Variants in THADA observed in about 807,000 individuals in gnomAD.
THADA encodes THADA armadillo repeat containing.
In THADA, 213 loss-of-function variants were observed where a neutral mutation model predicts 219.8. The ratio of observed to expected loss-of-function variants is 0.97; its 90% CI spans 0.87 to 1.09. THADA has a LOEUF of 1.09. Among genes scored for constraint, THADA ranks in the 50% least tolerant of loss-of-function variants. The probability of loss-of-function intolerance (pLI) is 0.00; values close to 1 mark genes in which losing one functional copy is unlikely to be tolerated. For missense variants in THADA, 2,956 were observed against 2,311.3 expected, an observed-to-expected ratio of 1.28 and a Z score of -5.72; for synonymous variants, 1,018 against 828.9, an observed-to-expected ratio of 1.23 and a Z score of -3.92.
chr2:43,330,330 G>C lies in THADA; in HGVS notation c.4344-9790C>G, dbSNP rs72877386. ...CACCCAGGCCAGTCTAATTGCTGAG[G>C]AAGCCTGATCATCACTGGCAGCTGA... is the stretch of plus-strand genomic sequence containing the variant. On this transcript the variant is annotated intron_variant, in intron 30 of 37. Transcript: ENST00000405975. Among the ~76,000 whole-genome samples, 943 of 152,300 alleles carry C rather than the reference G, an allele frequency of 6.2e-3. 15 individuals are homozygous for C. Among genetic ancestry groups the C allele is most frequent in the African/African-American group, 0.022 (895 of 41,562 alleles).
Position 43,320,519 on chromosome 2 carries a change from G to A in THADA, c.4365C>T (p.Thr1455=). ...AGAGAATATCAATATATACAGCTCT[G>A]GTCACCAAACATGGATTTTGCCTAG... ...LAKRQNPCLV[T]RAVYIDILFL... Residue 1455 remains threonine, a synonymous_variant, in exon 31 of 38, where the codon ACC becomes ACT. Coordinates refer to ENST00000405975, the MANE Select transcript of THADA (RefSeq NM_022065.5). 4 of 1,611,682 alleles carry A rather than the reference G, an allele frequency of 2.5e-6. No homozygotes were observed. Among genetic ancestry groups the A allele is most frequent in the Non-Finnish European group, 3.4e-6 (4 of 1,178,992 alleles).
intron 21 of THADA, among the ~76,000 whole-genome samples, chr2:43,535,825 T>G (rs1426751056): frequency 6.6e-6 from 1 of 152,048 alleles, no homozygotes; most frequent in Non-Finnish European, 1.5e-5. Flanking sequence ...CTGTTTTTTG[T>G]TTTTGTTTGT....
At chr2:43,458,238 C>T (rs1386957977) in intron 26 of THADA, among the ~76,000 whole-genome samples, 1 of 152,110 alleles carries the variant, frequency 6.6e-6, no homozygotes, top group Non-Finnish European at 1.5e-5. Context: ...CAGTCTGCGT[C>T]GTATGTTTTG....
intron 29 of THADA, among the ~76,000 whole-genome samples, chr2:43,377,344 A>G (rs773701194): frequency 2.0e-5 from 3 of 152,140 alleles, no homozygotes; most frequent in African/African-American, 4.8e-5. Context: ...TCAATGCTTG[A>G]CTGAGGTGAC....
At chr2:43,425,142 C>T in intron 28 of THADA, among the ~76,000 whole-genome samples, 1 of 152,148 alleles carries the variant, frequency 6.6e-6, no homozygotes, top group Non-Finnish European at 1.5e-5. Flanking sequence ...TTGACAAGCC[C>T]TGCACTCTTG....
intron 36 of THADA, among the ~76,000 whole-genome samples, chr2:43,255,034 C>T (rs993657911): frequency 6.6e-6 from 1 of 152,152 alleles, no homozygotes; most frequent in African/African-American, 2.4e-5. Flanking sequence ...CAGCTGGAAA[C>T]TAAAGAGTGT....
intron 29 of THADA, among the ~76,000 whole-genome samples, chr2:43,382,332 C>T (rs1403015224): frequency 6.6e-6 from 1 of 152,124 alleles, no homozygotes; most frequent in Admixed American, 6.5e-5. Context: ...GAGGGGTGTA[C>T]AGAAACTTTC....
intron 36 of THADA, among the ~76,000 whole-genome samples, chr2:43,265,691 A>T (rs889833851): frequency 1.3e-5 from 2 of 152,182 alleles, no homozygotes; most frequent in Non-Finnish European, 2.9e-5. Context: ...ACTTCTTCAA[A>T]CACGCCCAGG....
At chr2:43,285,778 C>T (rs1367704160) in intron 35 of THADA, among the ~76,000 whole-genome samples, 5 of 151,946 alleles carry the variant, frequency 3.3e-5, no homozygotes, top group African/African-American at 7.2e-5. Flanking sequence ...CTCGAACTCC[C>T]GACCTTAGGT....
In THADA at chr2:43,566,387, G is replaced by C. The variant is rs189965823; in HGVS notation, c.2311+311C>G. 533 of 661,910 alleles carry C rather than the reference G, an allele frequency of 8.1e-4. 1 individual carries two copies. Among genetic ancestry groups the C allele is most frequent in the African/African-American group, 8.0e-3 (436 of 54,528 alleles). 41.0% of individuals were successfully genotyped at this position (661,910 alleles called of 1,614,324 possible). A position where few individuals can be genotyped will look rare whatever the true frequency, so the allele number is the denominator to read the frequency against. On this transcript the variant is annotated intron_variant, in intron 15 of 37. Coordinates refer to ENST00000405975, the MANE Select transcript of THADA (RefSeq NM_022065.5). The stretch of plus-strand genomic sequence containing the variant: ...TTCAAATTTTAAAACTTAAAGAACA[G>C]ATTGGATACTATCTTAAAACAGCAA...
chr2:43,572,805 T>C lies in THADA; in HGVS notation c.1908+9A>G. The stretch of plus-strand genomic sequence containing the variant: ...GCATGTACAAATCCAGGTAATTTTC[T>C]TTACTTACTTGGCAATGCTGATGAA... On this transcript the variant is annotated intron_variant, in intron 12 of 37. Transcript: ENST00000405975. 3.1e-6 allele frequency: 5 copies of C among 1,612,474 alleles called. No individual in the cohort carries two copies. Among genetic ancestry groups the C allele is most frequent in the Non-Finnish European group, 4.2e-6 (5 of 1,179,168 alleles).
In THADA at chr2:43,581,845, T is replaced by A; in HGVS notation, c.617A>T (p.Gln206Leu). The change falls in exon 8 of 38, where the codon CAG becomes CTG. Residue 206 changes from glutamine (Q) to leucine (L), a missense_variant. By Grantham distance (113) the Gln-to-Leu change is moderately radical. Coordinates refer to ENST00000405975, the MANE Select transcript of THADA (RefSeq NM_022065.5). ...ATTTCCCTGGAAATCTTGTACTTTC[T>A]GTACTAACATCATTGAAACTCTAAT... is the stretch of plus-strand genomic sequence containing the variant. Reference protein sequence around the residue: ...VGIRVSMMLVQKVQDFQGNLW... With the variant: ...VGIRVSMMLVLKVQDFQGNLW... The A allele has an allele frequency of 6.2e-7, 1 of 1,612,634 alleles. No individual in the cohort carries two copies. The highest frequency in any genetic ancestry group is 8.5e-7 in the Non-Finnish European group (1 of 1,179,566).
chr2:43,284,920 T>A (rs1174221927), intron 35 of THADA, among the ~76,000 whole-genome samples: 1 of 152,226 alleles, frequency 6.6e-6, no homozygotes, highest in Non-Finnish European at 1.5e-5. Context: ...AGCTTTAAGA[T>A]TTAATGACTG....
chr2:43,303,370 G>A (rs62137411), intron 31 of THADA, among the ~76,000 whole-genome samples: 2 of 152,162 alleles, frequency 1.3e-5, no homozygotes, highest in Admixed American at 1.3e-4. Context: ...AAGGGAGAGT[G>A]CTAATTTTGA....
chr2:43,543,653 T>C (rs1009918391), intron 20 of THADA, among the ~76,000 whole-genome samples: 4 of 152,232 alleles, frequency 2.6e-5, no homozygotes, highest in African/African-American at 9.6e-5. Context: ...TCATGTGTTT[T>C]CTGGCTGCAT....
At chr2:43,281,578 A>T (rs1673368966) in intron 35 of THADA, among the ~76,000 whole-genome samples, 1 of 150,774 alleles carries the variant, frequency 6.6e-6, no homozygotes, top group South Asian at 2.1e-4. Flanking sequence ...GGTAGCTGGG[A>T]TTATAGGTAT....
chr2:43,442,052 G>A (rs145744654), intron 26 of THADA, among the ~76,000 whole-genome samples: 2 of 152,278 alleles, frequency 1.3e-5, no homozygotes, highest in Non-Finnish European at 2.9e-5. Flanking sequence ...CATTTTAATA[G>A]TCAAGTGAAT....
At chr2:43,437,144 T>G (rs1000663057) in intron 26 of THADA, among the ~76,000 whole-genome samples, 7 of 152,190 alleles carry the variant, frequency 4.6e-5, no homozygotes, top group Non-Finnish European at 8.8e-5. Context: ...TGATTTTAAC[T>G]GAGGTAATCA....
intron 26 of THADA, among the ~76,000 whole-genome samples, chr2:43,456,117 T>A (rs1259818809): frequency 1.3e-5 from 2 of 152,344 alleles, no homozygotes; most frequent in South Asian, 4.1e-4. Flanking sequence ...TAGTAAATAT[T>A]TGAGGTATAT....
Sources: gnomAD v4.1 joint callset for allele counts (sites outside exome capture counted in the v4.1 genomes callset) on GRCh38, gnomAD v4.1.1 for gene constraint, MANE v1.5 for transcripts, NCBI Gene and HGNC (gene_info 2026-07-23, HGNC 2026-07-21) for gene names.